Variants in CCDC57 observed in about 807,000 individuals in gnomAD.
CCDC57 encodes coiled-coil domain containing 57.
CCDC57 carries 118 observed loss-of-function variants against 118.9 expected under a neutral mutation model. The ratio of observed to expected loss-of-function variants is 0.99; its 90% CI spans 0.86 to 1.16. The LOEUF is 1.16. Ranked by LOEUF, CCDC57 falls within the 50% of genes most tolerant of loss-of-function variation. The pLI is 0.00. For missense variants in CCDC57, 1,300 were observed against 1,320.7 expected, an observed-to-expected ratio of 0.98 and a Z score of 0.24; for synonymous variants, 527 against 532.9, an observed-to-expected ratio of 0.99 and a Z score of 0.15.
intron 1 of CCDC57, among the ~76,000 whole-genome samples, chr17:82,210,993 TAAAAAAAAAAAA>T (rs1207759837): frequency 2.9e-5 from 2 of 68,860 alleles, no homozygotes; most frequent in South Asian, 9.3e-4. Flanking sequence ...GACTCCGTCT[TAAAAAAAAAAAA>T]AAAAGAAAAA....
chr17:82,154,567 C>G (rs576214194), intron 15 of CCDC57: 1 of 152,740 alleles, frequency 6.5e-6, no homozygotes, highest in East Asian at 1.9e-4. Context: ...CTCTCCTGTG[C>G]AGGGTCCAGG....
At chr17:82,116,082 C>A (rs1378473580) in intron 19 of CCDC57, among the ~76,000 whole-genome samples, 27 of 148,952 alleles carry the variant, frequency 1.8e-4, no homozygotes, top group African/African-American at 6.2e-4. Flanking sequence ...CAGGCGTGAG[C>A]CACCGCGCCC....
chr17:82,125,631 C>T (rs1377355407), intron 19 of CCDC57, among the ~76,000 whole-genome samples: 1 of 152,158 alleles, frequency 6.6e-6, no homozygotes, highest in Non-Finnish European at 1.5e-5. Context: ...CTGCCTTAGC[C>T]TCCCAAAGTG....
At chr17:82,143,506 TGCACACACCCCACACGC>T (rs1216773471) in intron 16 of CCDC57, among the ~76,000 whole-genome samples, 2 of 150,790 alleles carry the variant, frequency 1.3e-5, no homozygotes, top group Non-Finnish European at 3.0e-5. Context: ...ACCCCACACG[TGCACACACCCCACACGC>T]GCACACACCC....
chr17:82,127,091 A>G, intron 19 of CCDC57: 17 of 985,448 alleles, frequency 1.7e-5, no homozygotes, highest in Non-Finnish European at 1.9e-5. Context: ...TCCTGAGACC[A>G]GTAGCAGGAG....
chr17:82,209,711 T>G (rs1374140663), intron 1 of CCDC57, among the ~76,000 whole-genome samples: 1 of 152,148 alleles, frequency 6.6e-6, no homozygotes, highest in Admixed American at 6.6e-5. Flanking sequence ...GGTTTCCAAC[T>G]CCTCACCTCA....
chr17:82,178,377 G>A, intron 11 of CCDC57, 97 bp downstream of exon 10: 1 of 1,395,134 alleles, frequency 7.2e-7, no homozygotes, highest in Non-Finnish European at 9.6e-7. Context: ...ACAACTGAAA[G>A]ACTTAGCTCC....
intron 16 of CCDC57, among the ~76,000 whole-genome samples, chr17:82,135,864 G>T (rs1309446026): frequency 1.3e-5 from 2 of 152,036 alleles, no homozygotes; most frequent in East Asian, 3.9e-4. Flanking sequence ...TTGGATACTG[G>T]CGTGGGCAAC....
At position 82,145,764 on chromosome 17, in the gene CCDC57, C is replaced by T. The variant is rs553033492; in HGVS notation, c.2455+5796G>A. 18 of 458,930 alleles carry T rather than the reference C, an allele frequency of 3.9e-5. No individual in the cohort carries two copies. The East Asian group carries it at 1.3e-3, about 34-fold the overall frequency. The allele number at this position is 458,930 out of a possible 1,614,324, so 28.4% of individuals were successfully genotyped here. ...TCCCCCTGCAGGCCCCTGAGTGGGGCTGTTCTCACTCCCCGCCCTGGTCTC... is the reference window on the plus strand; with the variant it reads ...TCCCCCTGCAGGCCCCTGAGTGGGGTTGTTCTCACTCCCCGCCCTGGTCTC... On this transcript the variant is annotated intron_variant, in intron 16 of 19. Coordinates refer to ENST00000665763, the Ensembl canonical transcript of CCDC57.
chr17:82,135,407 G>C (rs2039007328), intron 16 of CCDC57: 1 of 149,256 alleles, frequency 6.7e-6, no homozygotes, highest in South Asian at 2.1e-4. Context: ...GGTCAAAACA[G>C]AAAAATTTTA....
rs74001576 is a variant in CCDC57 at position 82,201,920 on chromosome 17, C to T, written c.25G>A (p.Ala9Thr). 2.0e-3 allele frequency: 3,249 copies of T among 1,601,588 alleles called. 59 individuals are homozygous for T. The African/African-American group carries it at 0.038, about 19-fold the overall frequency. The change falls in exon 3 of 20, where the codon GCC becomes ACC. Residue 9 changes from alanine to threonine, a missense_variant. Ala to Thr is a moderately conservative substitution (Grantham distance 58, BLOSUM62 0). Transcript: ENST00000665763. ...TTGCGAAGCAGCAGCTCATTCAGGG[C>T]GGGCTCTGAGCCCAGTGGCAGCATG...
chr17:82,142,359 C>T (rs1359018514), intron 16 of CCDC57, among the ~76,000 whole-genome samples: 1 of 151,486 alleles, frequency 6.6e-6, no homozygotes, highest in Non-Finnish European at 1.5e-5. Context: ...GTCGCCCAGG[C>T]TGGAGTGCAG....
Position 82,172,903 on chromosome 17 carries a change from T to TC in CCDC57, c.1507-44dup, listed in dbSNP as rs2044935544. 1 of 1,545,686 alleles carries TC rather than the reference T, an allele frequency of 6.5e-7. No homozygotes were observed. On this transcript the variant is annotated intron_variant, in intron 11 of 19. Transcript: ENST00000665763. This position sits in a 1 kb window ranked among gnomAD's most constrained non-coding sequence, Gnocchi z 5.2. ...AAATGGCTACAAAAAGATGAATGGTTCCCCAGCTTGTCCTGACAGGCTGTG... is the reference window on the plus strand; with the variant it reads ...AAATGGCTACAAAAAGATGAATGGTTCCCCCAGCTTGTCCTGACAGGCTGTG...
At chr17:82,200,100 G>T (rs2048817922) in intron 3 of CCDC57, among the ~76,000 whole-genome samples, 1 of 152,196 alleles carries the variant, frequency 6.6e-6, no homozygotes, top group Non-Finnish European at 1.5e-5. Context: ...CCACCAATGT[G>T]GGTCTCCTCT....
At chr17:82,162,334 C>T (rs962365555) in intron 14 of CCDC57, among the ~76,000 whole-genome samples, 8 of 152,218 alleles carry the variant, frequency 5.3e-5, no homozygotes, top group Admixed American at 1.3e-4. Flanking sequence ...AAAGCCAAAA[C>T]GATGTTAGGA....
At chr17:82,179,001 C>T (rs759483568) in intron 10 of CCDC57, 26 bp downstream of exon 9, 15 of 1,608,660 alleles carry the variant, frequency 9.3e-6, no homozygotes, top group Non-Finnish European at 1.3e-5. Context: ...GCCGAGAAGG[C>T]CCCAGGCCCT....
intron 4 of CCDC57, among the ~76,000 whole-genome samples, chr17:82,195,773 T>C (rs1242792426): frequency 1.3e-5 from 2 of 152,074 alleles, no homozygotes; most frequent in Non-Finnish European, 2.9e-5. Flanking sequence ...GCTTAGTAAC[T>C]AAAAGGCTGA....
chr17:82,187,664 C>T (rs1164803537), intron 8 of CCDC57, among the ~76,000 whole-genome samples: 1 of 47,222 alleles, frequency 2.1e-5, no homozygotes, highest in Non-Finnish European at 3.8e-5. Context: ...GGGCTCGGCG[C>T]GGGGGAAGCT....
chr17:82,202,302 A>T (rs1277475032), intron 2 of CCDC57, among the ~76,000 whole-genome samples: 1 of 152,148 alleles, frequency 6.6e-6, no homozygotes, highest in East Asian at 1.9e-4. Context: ...CCCCGTCTCT[A>T]CTAAAAATAC....
Sources: gnomAD v4.1 joint callset for allele counts (sites outside exome capture counted in the v4.1 genomes callset) on GRCh38, gnomAD v4.1.1 for gene constraint, Gnocchi (gnomAD v3.1) non-coding constraint, MANE v1.5 for transcripts, NCBI Gene and HGNC (gene_info 2026-07-23, HGNC 2026-07-21) for gene names.